Variants in STK32C observed in about 807,000 individuals in gnomAD.
The protein encoded by STK32C is serine/threonine-protein kinase 32C.
In STK32C, 31 loss-of-function variants were observed where a neutral mutation model predicts 56.5. The observed-to-expected ratio is 0.55, with a 90% CI of 0.41 to 0.74. STK32C has a LOEUF of 0.74. Ranked by LOEUF, STK32C falls within the 30% of genes least tolerant of loss-of-function variation. The probability of loss-of-function intolerance (pLI) is 0.00; values close to 1 mark genes in which losing one functional copy is unlikely to be tolerated. For synonymous variants in STK32C, 309 were observed against 289.4 expected (o/e 1.07, Z -0.69); for missense variants, 544 against 676.9 (o/e 0.80, Z 2.18).
chr10:132,230,598 G>A (rs2063057332), intron 2 of STK32C, among the ~76,000 whole-genome samples: 2 of 143,792 alleles, frequency 1.4e-5, no homozygotes, highest in African/African-American at 5.1e-5. Flanking sequence ...GGAAAATCCG[G>A]CCCTCACCCT....
At chr10:132,328,472 G>C (rs2066549472) in intron 1 of STK32C, among the ~76,000 whole-genome samples, 2 of 152,208 alleles carry the variant, frequency 1.3e-5, no homozygotes, top group African/African-American at 4.8e-5. Context: ...TGGAGCCAGA[G>C]GCTGCAGGAC....
chr10:132,238,490 C>G (rs1010781873), intron 2 of STK32C, among the ~76,000 whole-genome samples: 1 of 152,142 alleles, frequency 6.6e-6, no homozygotes, highest in Non-Finnish European at 1.5e-5. Context: ...CAGGGAAAGG[C>G]GGGGAAAGCC....
chr10:132,317,577 T>G (rs2066330269), intron 1 of STK32C, among the ~76,000 whole-genome samples: 1 of 151,870 alleles, frequency 6.6e-6, no homozygotes, highest in Non-Finnish European at 1.5e-5. Context: ...TCTACAAAAA[T>G]TTTTAAAAAT....
intron 1 of STK32C, among the ~76,000 whole-genome samples, chr10:132,278,414 C>T (rs981020204): frequency 5.3e-5 from 8 of 152,256 alleles, no homozygotes; most frequent in East Asian, 3.9e-4. Context: ...ATACACAGAA[C>T]GCTACAAAAA....
At chr10:132,228,306 A>G (rs756701660) in intron 2 of STK32C, 178 bp from the exon 3 acceptor site, 17 of 692,094 alleles carry the variant, frequency 2.5e-5, no homozygotes, top group Non-Finnish European at 4.1e-5. Flanking sequence ...TCTGCCACAT[A>G]TGGTAACATA....
intron 1 of STK32C, among the ~76,000 whole-genome samples, chr10:132,257,860 C>T (rs1243789843): frequency 6.6e-6 from 1 of 152,122 alleles, no homozygotes; most frequent in Non-Finnish European, 1.5e-5. Context: ...TCAGGGCTCT[C>T]GAGCCTCCAC....
Position 132,207,981 on chromosome 10 carries a change from C to T in STK32C, c.*29G>A, listed in dbSNP as rs3814608. 11,614 of 1,295,698 alleles carry T rather than the reference C, an allele frequency of 9.0e-3. 317 individuals are homozygous for T. In the South Asian group the frequency reaches 0.098, roughly 11 times the overall value. 80.3% of individuals were successfully genotyped at this position (1,295,698 alleles called of 1,614,324 possible). A position where few individuals can be genotyped will look rare whatever the true frequency, so the allele number is the denominator to read the frequency against. On this transcript the variant is annotated 3_prime_UTR_variant, in exon 12 of 12. Coordinates refer to ENST00000298630, the MANE Select transcript of STK32C (RefSeq NM_173575.4). ...TGGCAGCCGAGTCTCCAAAGCAGCT[C>T]AAGGGGTGAGGACCACGGGCGTCCC...
intron 1 of STK32C, among the ~76,000 whole-genome samples, chr10:132,301,110 G>A (rs1310476648): frequency 2.0e-5 from 3 of 151,692 alleles, no homozygotes; most frequent in Admixed American, 6.6e-5. Flanking sequence ...CACGAGGTCC[G>A]ATTCAACTCC....
rs1448933430 is a variant in STK32C at position 132,225,296 on chromosome 10, G to C, written c.813C>G (p.Gly271=). 6.3e-7 allele frequency: 1 copy of C among 1,597,460 alleles called. No homozygotes were observed. The highest frequency in any genetic ancestry group is 1.3e-5 in the African/African-American group (1 of 74,360). The change falls in exon 7 of 12, where the codon GGC becomes GGG. Residue 271 remains glycine, a synonymous_variant. Coordinates refer to ENST00000298630, the MANE Select transcript of STK32C (RefSeq NM_173575.4). ...ACCACCAGTCCACCTCGAAGGAGTA[G>C]CCGGTCCCGCCGTTGACAAAAGAGT... ...IFHSFVNGGT[G]YSFEVDWWSV... is the part of the protein sequence containing the mutation.
rs7475145 is a variant in STK32C at position 132,307,166 on chromosome 10, C to T, written c.262+406G>A. On this transcript the variant is annotated intron_variant, in intron 1 of 11. Transcript: ENST00000298630. The surrounding 1 kb of genome is among the most constrained non-coding windows in gnomAD (Gnocchi z 4.4). ...CCCGCCACCTGTGGGGCAGGAGCCT[C>T]ACTCGCACTCGGGCGGCACAGGTGA... The T allele has an allele frequency of 6.5e-6, 1 of 154,848 alleles. No individual in the cohort carries two copies. The highest frequency in any genetic ancestry group is 6.5e-5 in the Admixed American group (1 of 15,324). The allele number at this position is 154,848 out of a possible 1,614,324, so 9.6% of individuals were successfully genotyped here. A position where few individuals can be genotyped will look rare whatever the true frequency, so the allele number is the denominator to read the frequency against.
chr10:132,257,769 AG>A (rs1244777168), intron 1 of STK32C, among the ~76,000 whole-genome samples: 1 of 140,206 alleles, frequency 7.1e-6, no homozygotes, highest in Non-Finnish European at 1.6e-5. Flanking sequence ...AGACACTAGG[AG>A]GGGGCCCCAG....
chr10:132,330,254 G>A, intron 1 of STK32C: 2 of 566,726 alleles, frequency 3.5e-6, no homozygotes, highest in Non-Finnish European at 6.4e-6. Context: ...ACAAAAACCT[G>A]AGGCAACAAT....
rs778741616 is a variant in STK32C, at chr10:132,249,141, T to C, written c.263-3186A>G. 5.0e-5 allele frequency: 15 copies of C among 299,552 alleles called. No individual in the cohort carries two copies. The East Asian group carries it at 5.8e-4, about 12-fold the overall frequency. The allele number at this position is 299,552 out of a possible 1,614,324, so 18.6% of individuals were successfully genotyped here. On this transcript the variant is annotated intron_variant, in intron 1 of 11. Coordinates refer to ENST00000298630, the MANE Select transcript of STK32C (RefSeq NM_173575.4). ...GGGGCGGGGCTGTGGCGTCAGGGCGTGCAGGGGGCGGGGCGTGCAGGGGGC... is the reference window on the plus strand; with the variant it reads ...GGGGCGGGGCTGTGGCGTCAGGGCGCGCAGGGGGCGGGGCGTGCAGGGGGC...
At chr10:132,266,049 A>C (rs2064511027) in intron 1 of STK32C, among the ~76,000 whole-genome samples, 1 of 152,246 alleles carries the variant, frequency 6.6e-6, no homozygotes, top group South Asian at 2.1e-4. Flanking sequence ...TTGCTGCCTT[A>C]CAACAGTCAA....
At chr10:132,281,449 C>T (rs1315772583) in intron 1 of STK32C, among the ~76,000 whole-genome samples, 1 of 152,098 alleles carries the variant, frequency 6.6e-6, no homozygotes, top group African/African-American at 2.4e-5. Flanking sequence ...TTACCGGGCC[C>T]GCTCCTGCTG....
intron 5 of STK32C, 36 bp from the exon 6 acceptor site, chr10:132,225,652 A>T: frequency 6.2e-7 from 1 of 1,608,442 alleles, no homozygotes; most frequent in South Asian, 1.1e-5. Flanking sequence ...CTGTCCCAGG[A>T]CCAGAGATGC....
rs576804360 is a variant in STK32C at position 132,289,571 on chromosome 10, AAAC to A, written c.262+17998_262+18000del. Among the ~76,000 whole-genome samples the A allele has an allele frequency of 1.9e-3, 295 of 152,352 alleles. 5 individuals are homozygous for A. In the South Asian group the frequency reaches 0.02, roughly 10 times the overall value. On this transcript the variant is annotated intron_variant, in intron 1 of 11. Coordinates refer to ENST00000298630, the MANE Select transcript of STK32C (RefSeq NM_173575.4). The stretch of plus-strand genomic sequence containing the variant: ...CAGATTGCCATAGACCTGATTCCTC[AAAC>A]AACAGAGATTTATTTCTTACAGCTG...
chr10:132,275,937 G>GC (rs903414388), intron 1 of STK32C, among the ~76,000 whole-genome samples: 3 of 152,068 alleles, frequency 2.0e-5, no homozygotes, highest in African/African-American at 7.2e-5. Context: ...GGAAACCTCA[G>GC]CCCCCCACCC....
At position 132,307,785 on chromosome 10, in the gene STK32C, C is replaced by G. The variant is rs1166470582; in HGVS notation, c.49G>C (p.Gly17Arg). ...RRGSSAAASPGSPPPGRARPA... is the reference protein window; with the variant it reads ...RRGSSAAASPRSPPPGRARPA... ...CGCGCGCGGCCGGGGGGCGGCGAGC[C>G]CGGGGACGCCGCGGCGCTGCTGCCC... Residue 17 changes from glycine to arginine, a missense_variant, in exon 1 of 12, where the codon GGC becomes CGC. Coordinates refer to ENST00000298630, the MANE Select transcript of STK32C (RefSeq NM_173575.4). The surrounding 1 kb of genome is among the most constrained non-coding windows in gnomAD (Gnocchi z 4.4). 1.0e-6 allele frequency: 1 copy of G among 993,094 alleles called. No individual in the cohort carries two copies. Among genetic ancestry groups the G allele is most frequent in the Non-Finnish European group, 1.2e-6 (1 of 836,840 alleles). The allele number at this position is 993,094 out of a possible 1,614,324, so 61.5% of individuals were successfully genotyped here. A position where few individuals can be genotyped will look rare whatever the true frequency, so the allele number is the denominator to read the frequency against.
Sources: gnomAD v4.1 joint callset for allele counts (sites outside exome capture counted in the v4.1 genomes callset) on GRCh38, gnomAD v4.1.1 for gene constraint, Gnocchi (gnomAD v3.1) non-coding constraint, MANE v1.5 for transcripts, NCBI Gene and HGNC (gene_info 2026-07-23, HGNC 2026-07-21) for gene names.